The following CARS1 variants were observed in gnomAD, a reference collection of about 807,000 sequenced individuals.
CARS1 encodes the protein cysteinyl-tRNA synthetase 1.
In CARS1, 48 loss-of-function variants were observed where a neutral mutation model predicts 106.2. That is an observed-to-expected ratio of 0.45 (90% CI 0.36 to 0.57). The LOEUF (loss-of-function observed/expected upper bound fraction) is 0.57. Ranked by LOEUF, CARS1 falls within the 20% of genes least tolerant of loss-of-function variation. The pLI is 0.00. For missense variants in CARS1, 968 were observed against 1,057.2 expected, an observed-to-expected ratio of 0.92 and a Z score of 1.17; for synonymous variants, 409 against 403.4, an observed-to-expected ratio of 1.01 and a Z score of -0.17.
In CARS1 at chr11:3,050,997, C is replaced by A. The variant is rs543888360; in HGVS notation, c.26-2996G>T. On this transcript the variant is annotated intron_variant, in intron 1 of 22. Transcript: ENST00000380525. This position sits in a 1 kb window ranked among gnomAD's most constrained non-coding sequence, Gnocchi z 6.3. Reference sequence around the variant, plus strand: ...ACATTCCAGATATCAGCTAAAGTTGCCTAGGGCACAGATGAGTGGACAGCA... The same window carrying A: ...ACATTCCAGATATCAGCTAAAGTTGACTAGGGCACAGATGAGTGGACAGCA... Among the ~76,000 whole-genome samples the A allele has an allele frequency of 5.3e-5, 8 of 152,364 alleles. No homozygotes were observed. In the East Asian group the frequency reaches 1.3e-3, roughly 26 times the overall value.
Position 3,039,795 on chromosome 11 carries a change from C to G in CARS1, c.552+40G>C. The G allele has an allele frequency of 9.8e-7, 1 of 1,019,770 alleles. No homozygotes were observed. Among genetic ancestry groups the G allele is most frequent in the Non-Finnish European group, 1.5e-6 (1 of 674,022 alleles). The allele number at this position is 1,019,770 out of a possible 1,614,324, so 63.2% of individuals were successfully genotyped here. ...AAAGTTCTATCTTCTTTTACACCAT[C>G]CAATTGCATTTAAAATTTAATCTTA... On this transcript the variant is annotated intron_variant, in intron 5 of 22. Coordinates refer to ENST00000380525, the MANE Select transcript of CARS1 (RefSeq NM_001014437.3). This position sits in a 1 kb window ranked among gnomAD's most constrained non-coding sequence, Gnocchi z 5.6.
intron 17 of CARS1, among the ~76,000 whole-genome samples, chr11:3,012,540 C>T (rs993419844): frequency 5.3e-5 from 8 of 152,226 alleles, no homozygotes; most frequent in Non-Finnish European, 7.3e-5. Context: ...GGTCTGCCGC[C>T]GCTCTGCCCA....
In CARS1 at chr11:3,022,404, A is replaced by G. The variant is rs1851646142; in HGVS notation, c.1154-2072T>C. ...AACCGGCAATCCCCATCACCTGTCCAGAGCAATTAAAAACCCCTCCCCAAA... is the reference window on the plus strand; with the variant it reads ...AACCGGCAATCCCCATCACCTGTCCGGAGCAATTAAAAACCCCTCCCCAAA... On this transcript the variant is annotated intron_variant, in intron 10 of 22. Transcript: ENST00000380525. The surrounding 1 kb of genome is among the most constrained non-coding windows in gnomAD (Gnocchi z 4.9). 6.6e-6 allele frequency among the ~76,000 whole-genome samples: 1 copy of G among 152,102 alleles called. No homozygotes were observed. Among genetic ancestry groups the G allele is most frequent in the Admixed American group, 6.6e-5 (1 of 15,264 alleles).
rs138934324 is a variant in CARS1, at chr11:3,020,781, G to T, written c.1154-449C>A. On this transcript the variant is annotated intron_variant, in intron 10 of 22. Transcript: ENST00000380525. This position sits in a 1 kb window ranked among gnomAD's most constrained non-coding sequence, Gnocchi z 4.6. ...ATGTCAAGGGCCCGCACAACTATCT[G>T]CTTATGGGTCCCGGGGGATACAAGG... Among the ~76,000 whole-genome samples, 150 of 152,324 alleles carry T rather than the reference G, an allele frequency of 9.8e-4. No homozygotes were observed. Among genetic ancestry groups the T allele is most frequent in the African/African-American group, 3.5e-3 (147 of 41,572 alleles).
rs566923356 is a variant in CARS1 at position 3,034,919 on chromosome 11, G to C, written c.801+3131C>G. ...AAGGTCAAGGGGCCACATCTGTTCT[G>C]GGCCTTCTTGCTGGTGGGGACTTTT... is the stretch of plus-strand genomic sequence containing the variant. On this transcript the variant is annotated intron_variant, in intron 7 of 22. Transcript: ENST00000380525. This position sits in a 1 kb window ranked among gnomAD's most constrained non-coding sequence, Gnocchi z 6.3. Among the ~76,000 whole-genome samples the C allele has an allele frequency of 2.6e-5, 4 of 152,238 alleles. No individual in the cohort carries two copies. The South Asian group carries it at 6.2e-4, about 24-fold the overall frequency.
intron 2 of CARS1, among the ~76,000 whole-genome samples, chr11:3,047,276 C>CAAAAAA (rs59525343): frequency 2.4e-5 from 2 of 84,514 alleles, no homozygotes; most frequent in Non-Finnish European, 2.5e-5. Context: ...GACTCCATCT[C>CAAAAAA]AAAAAAAAAA....
At position 3,020,186 on chromosome 11, in the gene CARS1, T is replaced by C. The variant is rs754400464; in HGVS notation, c.1266+34A>G. On this transcript the variant is annotated intron_variant, in intron 11 of 22. Transcript: ENST00000380525. This position sits in a 1 kb window ranked among gnomAD's most constrained non-coding sequence, Gnocchi z 4.6. ...AGTGTGGCTGGCGCCAGTGCCCCTG[T>C]CCAAGCCCCACACCTTCTAGGCCAC... 3.1e-6 allele frequency: 4 copies of C among 1,306,390 alleles called. No homozygotes were observed. Among genetic ancestry groups the C allele is most frequent in the African/African-American group, 1.5e-5 (1 of 68,862 alleles). The allele number at this position is 1,306,390 out of a possible 1,614,324, so 80.9% of individuals were successfully genotyped here. A position where few individuals can be genotyped will look rare whatever the true frequency, so the allele number is the denominator to read the frequency against.
rs74048781 is a variant in CARS1, at chr11:3,050,287, G to A, written c.26-2286C>T. On this transcript the variant is annotated intron_variant, in intron 1 of 22. Coordinates refer to ENST00000380525, the MANE Select transcript of CARS1 (RefSeq NM_001014437.3). The surrounding 1 kb of genome is among the most constrained non-coding windows in gnomAD (Gnocchi z 6.3). ...TTGCCCTGCTTCCTTCCCACTGCAC[G>A]GAGCCACTGTCCCATCTGACCCCAA... is the stretch of plus-strand genomic sequence containing the variant. Among the ~76,000 whole-genome samples, 17,108 of 151,978 alleles carry A rather than the reference G, an allele frequency of 0.11. 1,205 individuals are homozygous for A. Among genetic ancestry groups the A allele is most frequent in the African/African-American group, 0.19 (7,811 of 41,388 alleles).
In CARS1 at chr11:3,018,727, C is replaced by G; in HGVS notation, c.1418G>C (p.Trp473Ser). ...QSEAYFENDC[W>S]VRYFLHTGHL... Reference sequence around the variant, plus strand: ...GCCTGTGTGCAGGAAGTACCTGACCCAGCAGTCGTTTTCAAAGTAGGCCTG... The same window carrying G: ...GCCTGTGTGCAGGAAGTACCTGACCGAGCAGTCGTTTTCAAAGTAGGCCTG... The change falls in exon 13 of 23, where the codon TGG becomes TCG. Residue 473 changes from tryptophan (W) to serine (S), a missense_variant. Trp to Ser is a radical substitution (Grantham distance 177). Transcript: ENST00000380525. The G allele has an allele frequency of 6.2e-7, 1 of 1,613,952 alleles. No homozygotes were observed. Among genetic ancestry groups the G allele is most frequent in the Non-Finnish European group, 8.5e-7 (1 of 1,179,934 alleles).
At position 3,017,994 on chromosome 11, in the gene CARS1, T is replaced by A; in HGVS notation, c.1630-40A>T. On this transcript the variant is annotated intron_variant, in intron 14 of 22. Coordinates refer to ENST00000380525, the MANE Select transcript of CARS1 (RefSeq NM_001014437.3). The surrounding 1 kb of genome is among the most constrained non-coding windows in gnomAD (Gnocchi z 4.9). The stretch of plus-strand genomic sequence containing the variant: ...ATCAGTTTAACAGCATTTAGGCAAC[T>A]TTTCCATCCTGAAATATCTGTTACA... 1 of 1,322,592 alleles carries A rather than the reference T, an allele frequency of 7.6e-7. No individual in the cohort carries two copies. Among genetic ancestry groups the A allele is most frequent in the Non-Finnish European group, 1.1e-6 (1 of 920,928 alleles). 81.9% of individuals were successfully genotyped at this position (1,322,592 alleles called of 1,614,324 possible).
intron 10 of CARS1, among the ~76,000 whole-genome samples, chr11:3,024,566 G>T (rs1851871749): frequency 6.6e-6 from 1 of 152,158 alleles, no homozygotes; most frequent in South Asian, 2.1e-4. Flanking sequence ...TCCTGCATCA[G>T]CCTCTTAAGT....
At chr11:3,033,063 C>A (rs1291765135) in intron 7 of CARS1, among the ~76,000 whole-genome samples, 1 of 149,138 alleles carries the variant, frequency 6.7e-6, no homozygotes, top group Admixed American at 6.7e-5. Context: ...TTTTTTTTTT[C>A]TAAAAAGTGA....
Position 3,018,708 on chromosome 11 carries a change from G to A in CARS1, c.1437C>T (p.His479=), listed in dbSNP as rs1203104297. The A allele has an allele frequency of 1.9e-6, 3 of 1,614,076 alleles. No homozygotes were observed. The highest frequency in any genetic ancestry group is 2.5e-6 in the Non-Finnish European group (3 of 1,180,022). Residue 479 remains histidine (H), a synonymous_variant, in exon 13 of 23, where the codon CAC becomes CAT. Transcript: ENST00000380525. ...AGCCTGCAATGGTCAGGTGGCCTGT[G>A]TGCAGGAAGTACCTGACCCAGCAGT... is the stretch of plus-strand genomic sequence containing the variant. ...ENDCWVRYFL[H]TGHLTIAGCK...
chr11:3,006,394 C>T (rs1477640044), intron 19 of CARS1, among the ~76,000 whole-genome samples: 2 of 152,156 alleles, frequency 1.3e-5, no homozygotes, highest in Non-Finnish European at 2.9e-5. Context: ...TGCAATGAGC[C>T]GAGATCGCGC....
In CARS1 at chr11:3,039,142, G is replaced by A. The variant is rs1034081987; in HGVS notation, c.651+52C>T. ...TAGGGACAGTAGCCTACAAAGGACC[G>A]AGAACAGAAAGCAAAGGGCTCGGTT... On this transcript the variant is annotated intron_variant, in intron 6 of 22. Coordinates refer to ENST00000380525, the MANE Select transcript of CARS1 (RefSeq NM_001014437.3). The surrounding 1 kb of genome is among the most constrained non-coding windows in gnomAD (Gnocchi z 5.6). The A allele has an allele frequency of 1.4e-5, 16 of 1,172,012 alleles. No individual in the cohort carries two copies. The highest frequency in any genetic ancestry group is 1.2e-4 in the African/African-American group (8 of 66,250). 72.6% of individuals were successfully genotyped at this position (1,172,012 alleles called of 1,614,324 possible).
rs5789288 is a variant in CARS1, at chr11:3,005,631, A to ATTT, written c.2150-201_2150-199dup. 1.5e-4 allele frequency among the ~76,000 whole-genome samples: 20 copies of ATTT among 132,434 alleles called. 1 individual carries two copies. Among genetic ancestry groups the ATTT allele is most frequent in the African/African-American group, 5.4e-4 (19 of 35,412 alleles). The allele number at this position is 132,434 out of a possible 152,430, so 86.9% of individuals were successfully genotyped here. ...GAACATTTTGGTTTGTGTGTGTGTG[A>ATTT]TTTTTTTTTTTTTTTTTTTGAGACA... On this transcript the variant is annotated intron_variant, in intron 19 of 22. Transcript: ENST00000380525.
chr11:3,047,462 T>C (rs541908112), intron 2 of CARS1, among the ~76,000 whole-genome samples: 1 of 152,202 alleles, frequency 6.6e-6, no homozygotes, highest in East Asian at 1.9e-4. Flanking sequence ...GCATGCTACG[T>C]GGAACCCCAG....
chr11:3,037,066 T>C lies in CARS1; in HGVS notation c.801+984A>G, dbSNP rs1451182306. On this transcript the variant is annotated intron_variant, in intron 7 of 22. Transcript: ENST00000380525. This position sits in a 1 kb window ranked among gnomAD's most constrained non-coding sequence, Gnocchi z 5.9. ...GGGAAAAAAATTACAGCAGCATTGT[T>C]GGTAAGAAGGAAACCTAACTGCCCG... Among the ~76,000 whole-genome samples the C allele has an allele frequency of 6.6e-6, 1 of 151,078 alleles. No individual in the cohort carries two copies. The highest frequency in any genetic ancestry group is 1.5e-5 in the Non-Finnish European group (1 of 67,932).
chr11:3,044,279 TC>T lies in CARS1; in HGVS notation c.275-2024del, dbSNP rs1854846196. ...CAAGAAGCCTGGCCACAGCCAGCATTCCTGCTCCCCTAAGGCTGCTATCTCC... is the reference window on the plus strand; with the variant it reads ...CAAGAAGCCTGGCCACAGCCAGCATTCTGCTCCCCTAAGGCTGCTATCTCC... On this transcript the variant is annotated intron_variant, in intron 2 of 22. Transcript: ENST00000380525. The surrounding 1 kb of genome is among the most constrained non-coding windows in gnomAD (Gnocchi z 4.4). Among the ~76,000 whole-genome samples the T allele has an allele frequency of 6.6e-6, 1 of 152,172 alleles. No homozygotes were observed. Among genetic ancestry groups the T allele is most frequent in the Admixed American group, 6.5e-5 (1 of 15,284 alleles).
Sources: allele counts gnomAD v4.1 joint callset (sites outside exome capture counted in the v4.1 genomes callset), GRCh38; gene constraint gnomAD v4.1.1; non-coding constraint Gnocchi (gnomAD v3.1); transcripts MANE v1.5; gene names NCBI Gene and HGNC (gene_info 2026-07-23, HGNC 2026-07-21).